Variants in SHOC2 observed in about 807,000 individuals in gnomAD.
The protein encoded by SHOC2 is leucine-rich repeat protein SHOC-2.
A neutral mutation model predicts 50.2 loss-of-function variants in SHOC2; 4 were observed. The ratio of observed to expected loss-of-function variants is 0.08; its 90% confidence interval spans 0.04 to 0.18. The LOEUF (loss-of-function observed/expected upper bound fraction) is 0.18, where lower values mean the gene tolerates loss of function less well. SHOC2 is among the 10% of genes least tolerant of loss of function. The probability of loss-of-function intolerance (pLI) is 1.00; values close to 1 mark genes in which losing one functional copy is unlikely to be tolerated. For missense variants in SHOC2, 388 were observed against 669.6 expected, an observed-to-expected ratio of 0.58 and a Z score of 4.64; for synonymous variants, 218 against 244.5, an observed-to-expected ratio of 0.89 and a Z score of 1.01.
At chr10:110,988,711 A>ACT (rs1848126541) in intron 3 of SHOC2, among the ~76,000 whole-genome samples, 1 of 151,836 alleles carries the variant, frequency 6.6e-6, no homozygotes, top group Non-Finnish European at 1.5e-5. Flanking sequence ...TCACCAGCTT[A>ACT]CTTTGAGTTT....
At chr10:110,996,018 A>G (rs1401323277) in intron 3 of SHOC2, among the ~76,000 whole-genome samples, 1 of 152,206 alleles carries the variant, frequency 6.6e-6, no homozygotes, top group Admixed American at 6.5e-5. Context: ...TTAGGGTATT[A>G]TCATAGTCAA....
In SHOC2 at chr10:111,009,771, C is replaced by G. The variant is rs758241851; in HGVS notation, c.1481C>G (p.Thr494Ser). The G allele has an allele frequency of 6.2e-7, 1 of 1,613,474 alleles. No individual in the cohort carries two copies. Among genetic ancestry groups the G allele is most frequent in the Non-Finnish European group, 8.5e-7 (1 of 1,179,520 alleles). ...CTTCCCAGAGGCATTGGTCACCTTA[C>G]TAATCTCACACATCTGGGCCTTGGA... ...TTLPRGIGHLTNLTHLGLGEN... is the reference protein window; with the variant it reads ...TTLPRGIGHLSNLTHLGLGEN... Residue 494 changes from threonine to serine, a missense_variant, in exon 8 of 9, where the codon ACT (threonine) becomes AGT (serine). Transcript: ENST00000369452.
At chr10:110,923,503 C>T (rs1812235605) in intron 1 of SHOC2, among the ~76,000 whole-genome samples, 1 of 152,088 alleles carries the variant, frequency 6.6e-6, no homozygotes, top group Non-Finnish European at 1.5e-5. Context: ...TACCAATGAT[C>T]CTTAAGCTTT....
chr10:111,007,520 G>A lies in SHOC2; in HGVS notation c.1162-11G>A. ...GATTCTACCTTGGATGCTTCTTTTT[G>A]TCTTTGCCAGGACAATCAGTTAACA... On this transcript the variant is annotated splice_polypyrimidine_tract_variant and intron_variant, in intron 5 of 8. Transcript: ENST00000369452. 6.2e-7 allele frequency: 1 copy of A among 1,613,062 alleles called. No homozygotes were observed.
At chr10:110,941,677 A>G (rs925613555) in intron 1 of SHOC2, among the ~76,000 whole-genome samples, 1 of 152,152 alleles carries the variant, frequency 6.6e-6, no homozygotes, top group Admixed American at 6.5e-5. Flanking sequence ...TTTGTCGAAT[A>G]CATGGTTTGC....
chr10:111,003,706 A>G (rs1411195917), intron 4 of SHOC2, among the ~76,000 whole-genome samples: 2 of 152,214 alleles, frequency 1.3e-5, no homozygotes, highest in Admixed American at 6.5e-5. Context: ...TCTTGTTAAA[A>G]TGCATATTAT....
rs139883002 is a variant in SHOC2, at chr10:110,939,609, C to T, written c.-235+19952C>T. Among the ~76,000 whole-genome samples the T allele has an allele frequency of 1.5e-3, 228 of 152,214 alleles. 1 individual carries two copies. The highest frequency in any genetic ancestry group is 5.2e-3 in the African/African-American group (216 of 41,532). ...ATGTTAGATTGATGTTAGATTATGA[C>T]GTATGTCAACTTTGATGTTAGATTA... is the stretch of plus-strand genomic sequence containing the variant. On this transcript the variant is annotated intron_variant, in intron 1 of 8. Coordinates refer to ENST00000369452, the MANE Select transcript of SHOC2 (RefSeq NM_007373.4).
chr10:110,982,788 A>C (rs939444801), intron 2 of SHOC2, among the ~76,000 whole-genome samples: 1 of 152,124 alleles, frequency 6.6e-6, no homozygotes, highest in Non-Finnish European at 1.5e-5. Flanking sequence ...CATGAGAGAC[A>C]TTGATTTATA....
intron 3 of SHOC2, among the ~76,000 whole-genome samples, chr10:110,997,059 G>C (rs1848281238): frequency 6.6e-6 from 1 of 152,122 alleles, no homozygotes; most frequent in Admixed American, 6.5e-5. Flanking sequence ...GGTGTATACT[G>C]TTTATTGGCA....
At chr10:110,963,061 A>T (rs1265953099) in intron 1 of SHOC2, among the ~76,000 whole-genome samples, 1 of 152,192 alleles carries the variant, frequency 6.6e-6, no homozygotes, top group African/African-American at 2.4e-5. Context: ...CAAAATTCTA[A>T]TAACTGTTTT....
At chr10:110,951,488 A>ATTTT (rs1241768456) in intron 1 of SHOC2, 4 of 152,108 alleles carry the variant, frequency 2.6e-5, no homozygotes, top group Non-Finnish European at 5.9e-5. Flanking sequence ...TCATAAAAAA[A>ATTTT]TTAAAAAGAG....
chr10:110,985,890 CT>C, intron 3 of SHOC2, 125 bp downstream of exon 3: 1 of 796,092 alleles, frequency 1.3e-6, no homozygotes, highest in South Asian at 1.6e-5. Context: ...AGTTGTAAAA[CT>C]TTTAAGATAA....
intron 2 of SHOC2, among the ~76,000 whole-genome samples, chr10:110,967,983 C>T (rs77134203): frequency 1.3e-5 from 2 of 151,952 alleles, no homozygotes; most frequent in Non-Finnish European, 1.5e-5. Flanking sequence ...GAGTATATAC[C>T]TAGTAGAATT....
At chr10:110,988,318 C>T (rs1023727362) in intron 3 of SHOC2, among the ~76,000 whole-genome samples, 1 of 152,006 alleles carries the variant, frequency 6.6e-6, no homozygotes, top group Non-Finnish European at 1.5e-5. Flanking sequence ...CCAGTGAAGC[C>T]ATCCAGGACA....
intron 5 of SHOC2, 124 bp downstream of exon 5, chr10:111,004,918 C>T: frequency 1.4e-6 from 1 of 706,972 alleles, no homozygotes; most frequent in Admixed American, 2.0e-5. Context: ...CTAAACTGAT[C>T]ATAAGACATG....
chr10:110,950,878 G>C (rs1374773595), intron 1 of SHOC2, among the ~76,000 whole-genome samples: 1 of 152,098 alleles, frequency 6.6e-6, no homozygotes, highest in Non-Finnish European at 1.5e-5. Context: ...ATTACACCAT[G>C]TACAAAAATC....
intron 5 of SHOC2, among the ~76,000 whole-genome samples, chr10:111,005,530 G>T (rs1848451302): frequency 1.3e-5 from 2 of 152,122 alleles, no homozygotes; most frequent in African/African-American, 4.8e-5. Flanking sequence ...TTCCCACCCA[G>T]AATTTTTGAA....
At chr10:110,984,607 CA>C (rs1306581471) in intron 2 of SHOC2, among the ~76,000 whole-genome samples, 1 of 152,038 alleles carries the variant, frequency 6.6e-6, no homozygotes, top group Non-Finnish European at 1.5e-5. Flanking sequence ...TCTGTATCTC[CA>C]ACCTCTGCCT....
chr10:110,943,426 C>T (rs1191329935), intron 1 of SHOC2, among the ~76,000 whole-genome samples: 2 of 152,126 alleles, frequency 1.3e-5, no homozygotes, highest in Non-Finnish European at 1.5e-5. Context: ...TTAAAAACAA[C>T]TTATATCTCT....
Sources: allele counts gnomAD v4.1 joint callset (sites outside exome capture counted in the v4.1 genomes callset), GRCh38; gene constraint gnomAD v4.1.1; transcripts MANE v1.5; gene names NCBI Gene and HGNC (gene_info 2026-07-23, HGNC 2026-07-21).